The following CEMIP variants were observed in gnomAD, a reference collection of about 807,000 sequenced individuals.
CEMIP encodes cell migration inducing hyaluronidase 1.
A neutral mutation model predicts 156.9 loss-of-function variants in CEMIP; 105 were observed. The observed-to-expected ratio is 0.67, with a 90% CI of 0.57 to 0.79. CEMIP has a LOEUF of 0.79. CEMIP is among the 30% of genes least tolerant of loss of function. The pLI is 0.00. For synonymous variants in CEMIP, 676 were observed against 668.4 expected, an observed-to-expected ratio of 1.01 and a Z score of -0.17; for missense variants, 1,457 against 1,769.4, an observed-to-expected ratio of 0.82 and a Z score of 3.17.
At position 80,943,025 on chromosome 15, in the gene CEMIP, C is replaced by T. The variant is rs762668206; in HGVS notation, c.3780C>T (p.Ser1260=). The change falls in exon 28 of 30, where the codon AGC becomes AGT. Residue 1260 remains serine (S), a synonymous_variant. Transcript: ENST00000394685. ...ACGGGAACCAAGGGCGCGTGGTGAG[C>T]CACACGAGCTTCAGGAACTCCATTC... ...VIDGNQGRVV[S]HTSFRNSILQ... 10 of 1,614,176 alleles carry T rather than the reference C, an allele frequency of 6.2e-6. No individual in the cohort carries two copies. The highest frequency in any genetic ancestry group is 7.6e-6 in the Non-Finnish European group (9 of 1,180,030).
chr15:80,787,556 C>G (rs1294409049), intron 1 of CEMIP, among the ~76,000 whole-genome samples: 2 of 152,220 alleles, frequency 1.3e-5, no homozygotes, highest in African/African-American at 2.4e-5. Flanking sequence ...GCCCACATCA[C>G]CATAGCAACT....
At chr15:80,822,192 C>G (rs534106029) in intron 1 of CEMIP, among the ~76,000 whole-genome samples, 8 of 152,340 alleles carry the variant, frequency 5.3e-5, no homozygotes, top group African/African-American at 1.9e-4. Flanking sequence ...CTGGCTCCCC[C>G]AGATGTGTTT....
At chr15:80,827,701 C>T (rs1221616131) in intron 1 of CEMIP, among the ~76,000 whole-genome samples, 1 of 152,154 alleles carries the variant, frequency 6.6e-6, no homozygotes, top group East Asian at 1.9e-4. Context: ...GAAACATATT[C>T]CTTTGCTACT....
At chr15:80,870,037 C>T in intron 1 of CEMIP, among the ~76,000 whole-genome samples, 2 of 152,154 alleles carry the variant, frequency 1.3e-5, no homozygotes, top group Non-Finnish European at 1.5e-5. Context: ...CTCACAGTGA[C>T]CCTGGAATTT....
intron 1 of CEMIP, among the ~76,000 whole-genome samples, chr15:80,856,231 T>G (rs1897849768): frequency 6.6e-6 from 1 of 152,212 alleles, no homozygotes; most frequent in South Asian, 2.1e-4. Flanking sequence ...ACTCAACAAG[T>G]GTGCATTTTA....
At chr15:80,867,472 C>T (rs1342655306) in intron 1 of CEMIP, among the ~76,000 whole-genome samples, 1 of 152,170 alleles carries the variant, frequency 6.6e-6, no homozygotes, top group Non-Finnish European at 1.5e-5. Flanking sequence ...TAACTCATGC[C>T]AGAGAAACAT....
rs747374469 is a variant in CEMIP at position 80,887,776 on chromosome 15, C to G, written c.868+12C>G. The G allele has an allele frequency of 3.2e-5, 51 of 1,604,782 alleles. No homozygotes were observed. The highest frequency in any genetic ancestry group is 4.3e-5 in the Non-Finnish European group (50 of 1,172,132). ...TATTGAATATCATGGTAATACATAG[C>G]TGGCTGGAGGCCTGATTCCCTCCAG... is the stretch of plus-strand genomic sequence containing the variant. On this transcript the variant is annotated intron_variant, in intron 8 of 29. Transcript: ENST00000394685.
At chr15:80,836,203 T>A (rs1035356498) in intron 1 of CEMIP, among the ~76,000 whole-genome samples, 1 of 152,310 alleles carries the variant, frequency 6.6e-6, no homozygotes, top group East Asian at 1.9e-4. Flanking sequence ...TAAAGCCTTC[T>A]GTTGCCCAAA....
At chr15:80,807,261 C>T (rs1242828657) in intron 1 of CEMIP, among the ~76,000 whole-genome samples, 26 of 146,378 alleles carry the variant, frequency 1.8e-4, no homozygotes, top group Non-Finnish European at 3.0e-5. Context: ...GACAGGGTCT[C>T]GTTCTGTCAC....
At chr15:80,935,093 G>C (rs1901067918) in intron 23 of CEMIP, among the ~76,000 whole-genome samples, 1 of 152,204 alleles carries the variant, frequency 6.6e-6, no homozygotes, top group African/African-American at 2.4e-5. Context: ...AGAGCCCTGG[G>C]AGAGGCGGAG....
intron 12 of CEMIP, among the ~76,000 whole-genome samples, chr15:80,902,556 G>C (rs930439516): frequency 6.6e-6 from 1 of 152,212 alleles, no homozygotes; most frequent in African/African-American, 2.4e-5. Flanking sequence ...GCAGCTAACA[G>C]CCATGGCCAG....
At chr15:80,849,487 C>A (rs1897657128) in intron 1 of CEMIP, among the ~76,000 whole-genome samples, 1 of 152,164 alleles carries the variant, frequency 6.6e-6, no homozygotes, top group South Asian at 2.1e-4. Flanking sequence ...TCACCCTGGC[C>A]TCTTCCCTCT....
In CEMIP at chr15:80,948,920, T is replaced by C; in HGVS notation, c.4082T>C (p.Leu1361Ser). The change falls in exon 30 of 30, where the codon TTG becomes TCG. Residue 1361 changes from leucine to serine, a missense_variant. By Grantham distance (145) the Leu-to-Ser change is moderately radical. Coordinates refer to ENST00000394685, the MANE Select transcript of CEMIP (RefSeq NM_001293298.2). ...ATCCCTGTGGTGAAGAAGAAGAAGT[T>C]GTGAGGACAGCTGCCGCCCGGTGCC... Reference protein sequence around the residue: ...VPIPVVKKKKL With the variant: ...VPIPVVKKKKS The C allele has an allele frequency of 6.2e-7, 1 of 1,613,760 alleles. No homozygotes were observed. The highest frequency in any genetic ancestry group is 8.5e-7 in the Non-Finnish European group (1 of 1,179,640).
At position 80,895,980 on chromosome 15, in the gene CEMIP, C is replaced by T; in HGVS notation, c.1331C>T (p.Thr444Ile). ...GGAGATACCCTGGTCATTGCCAGTA[C>T]TGATTACTCCATGTACCAGGCAGAA... ...KPGDTLVIASTDYSMYQAEEF... is the reference protein window; with the variant it reads ...KPGDTLVIASIDYSMYQAEEF... The change falls in exon 12 of 30, where the codon ACT becomes ATT. Residue 444 changes from threonine (T) to isoleucine (I), a missense_variant. Transcript: ENST00000394685. 6.2e-7 allele frequency: 1 copy of T among 1,614,198 alleles called. No individual in the cohort carries two copies. The highest frequency in any genetic ancestry group is 8.5e-7 in the Non-Finnish European group (1 of 1,180,022).
chr15:80,859,482 C>G (rs556149469), intron 1 of CEMIP, among the ~76,000 whole-genome samples: 1 of 152,378 alleles, frequency 6.6e-6, no homozygotes, highest in Admixed American at 6.5e-5. Flanking sequence ...TCCCATCTCT[C>G]CTGCTGCTCC....
intron 1 of CEMIP, among the ~76,000 whole-genome samples, chr15:80,797,158 G>A (rs374349578): frequency 1.2e-3 from 190 of 152,290 alleles, no homozygotes; most frequent in African/African-American, 4.2e-3. Context: ...AACTGCCTAC[G>A]GGAATTGTGC....
At chr15:80,802,822 C>A (rs1896412601) in intron 1 of CEMIP, among the ~76,000 whole-genome samples, 1 of 152,156 alleles carries the variant, frequency 6.6e-6, no homozygotes, top group Non-Finnish European at 1.5e-5. Flanking sequence ...CTTAACTTCT[C>A]CAGGCCTGTG....
At chr15:80,796,305 A>G (rs1264960656) in intron 1 of CEMIP, among the ~76,000 whole-genome samples, 4 of 152,140 alleles carry the variant, frequency 2.6e-5, no homozygotes, top group Admixed American at 6.5e-5. Flanking sequence ...GCTTTGAAGT[A>G]GCTTCTCTTT....
chr15:80,782,874 A>G (rs1268199649), intron 1 of CEMIP, among the ~76,000 whole-genome samples: 1 of 152,212 alleles, frequency 6.6e-6, no homozygotes, highest in African/African-American at 2.4e-5. Context: ...GTGGACTCCC[A>G]TGCAGATTCC....
Sources: allele counts gnomAD v4.1 joint callset (sites outside exome capture counted in the v4.1 genomes callset), GRCh38; gene constraint gnomAD v4.1.1; transcripts MANE v1.5; gene names NCBI Gene and HGNC (gene_info 2026-07-23, HGNC 2026-07-21).